The following CBLB variants were observed in gnomAD, a reference collection of about 807,000 sequenced individuals.
CBLB encodes E3 ubiquitin-protein ligase CBL-B.
Under a neutral mutation model 104.9 loss-of-function variants are expected in CBLB, and 31 were observed. The observed-to-expected ratio is 0.30, with a 90% CI of 0.22 to 0.40. The LOEUF is 0.40. Among genes scored for constraint, CBLB ranks in the 10% least tolerant of loss-of-function variants. The pLI, the probability that CBLB is intolerant of heterozygous loss-of-function variation, is 1.00. For synonymous variants in CBLB, 440 were observed against 422.6 expected (o/e 1.04, Z -0.51); for missense variants, 1,062 against 1,214.6 (o/e 0.87, Z 1.87).
At chr3:105,766,232 T>G (rs1417784735) in intron 4 of CBLB, among the ~76,000 whole-genome samples, 1 of 152,176 alleles carries the variant, frequency 6.6e-6, no homozygotes, top group African/African-American at 2.4e-5. Context: ...AAACTGCTTC[T>G]TATAGAAAAG....
chr3:105,782,175 C>T (rs1327246606), intron 3 of CBLB, among the ~76,000 whole-genome samples: 1 of 152,148 alleles, frequency 6.6e-6, no homozygotes, highest in Non-Finnish European at 1.5e-5. Flanking sequence ...AAACTGGATC[C>T]TTACCCATTC....
At chr3:105,855,708 T>C (rs755311743) in intron 2 of CBLB, among the ~76,000 whole-genome samples, 63 of 152,264 alleles carry the variant, frequency 4.1e-4, no homozygotes, top group Middle Eastern at 3.4e-3. Flanking sequence ...ATAATCAAAG[T>C]ATAAAATGTA....
chr3:105,845,274 T>C (rs1486132537), intron 3 of CBLB, among the ~76,000 whole-genome samples: 1 of 151,640 alleles, frequency 6.6e-6, no homozygotes. Flanking sequence ...ATATCATATG[T>C]GCATAATATA....
intron 3 of CBLB, among the ~76,000 whole-genome samples, chr3:105,814,973 T>C (rs1388269412): frequency 7.3e-6 from 1 of 136,320 alleles, no homozygotes; most frequent in Non-Finnish European, 1.5e-5. Context: ...CAGTACAGTC[T>C]CTCCACTTCC....
At chr3:105,809,265 G>T (rs1215491630) in intron 3 of CBLB, among the ~76,000 whole-genome samples, 2 of 152,152 alleles carry the variant, frequency 1.3e-5, no homozygotes, top group South Asian at 2.1e-4. Context: ...CTGTCTATGA[G>T]GAGCTCAGGA....
rs112734457 is a variant in CBLB at position 105,657,641 on chromosome 3, A to T, written c.*1329T>A. 0.014 allele frequency: 2,881 copies of T among 203,784 alleles called. 77 individuals carry two copies. Among genetic ancestry groups the T allele is most frequent in the African/African-American group, 0.061 (2,665 of 43,856 alleles). 12.6% of individuals were successfully genotyped at this position (203,784 alleles called of 1,614,324 possible). A position where few individuals can be genotyped will look rare whatever the true frequency, so the allele number is the denominator to read the frequency against. On this transcript the variant is annotated 3_prime_UTR_variant, in exon 19 of 19. Transcript: ENST00000394030. ...GCACCAAGCATATCATAGATGCTCA[A>T]TAAATATTTGTAGATTTATTAAGAG... is the stretch of plus-strand genomic sequence containing the variant.
At chr3:105,736,684 G>T (rs1441632934) in intron 8 of CBLB, among the ~76,000 whole-genome samples, 2 of 152,048 alleles carry the variant, frequency 1.3e-5, no homozygotes, top group African/African-American at 4.8e-5. Context: ...AAAGTGAAAA[G>T]ATATTTTCAC....
intron 3 of CBLB, among the ~76,000 whole-genome samples, chr3:105,810,079 A>G (rs2084070291): frequency 6.6e-6 from 1 of 152,192 alleles, no homozygotes; most frequent in African/African-American, 2.4e-5. Flanking sequence ...ACTTCCACCA[A>G]AGACAGAACG....
At chr3:105,804,223 G>A (rs1466986501) in intron 3 of CBLB, among the ~76,000 whole-genome samples, 1 of 152,046 alleles carries the variant, frequency 6.6e-6, no homozygotes, top group Non-Finnish European at 1.5e-5. Context: ...ATTTCAAATA[G>A]TTTAAAAAAA....
intron 16 of CBLB, among the ~76,000 whole-genome samples, chr3:105,680,532 G>C (rs957225962): frequency 2.6e-5 from 4 of 152,194 alleles, no homozygotes; most frequent in Non-Finnish European, 5.9e-5. Flanking sequence ...GAAGTGGAAG[G>C]GAGAGAAAGA....
intron 3 of CBLB, among the ~76,000 whole-genome samples, chr3:105,784,794 T>C (rs1226590485): frequency 1.3e-5 from 2 of 152,192 alleles, no homozygotes; most frequent in South Asian, 2.1e-4. Context: ...TTTTACTCAA[T>C]AGAATATAGT....
chr3:105,824,093 G>A (rs2086244796), intron 3 of CBLB: 1 of 152,164 alleles, frequency 6.6e-6, no homozygotes, highest in African/African-American at 2.4e-5. Context: ...CAGTCCTCCT[G>A]AGTAGTGGGA....
intron 3 of CBLB, among the ~76,000 whole-genome samples, chr3:105,805,718 G>A (rs1408502245): frequency 2.0e-5 from 3 of 152,116 alleles, no homozygotes; most frequent in African/African-American, 7.2e-5. Context: ...TCACATGGGT[G>A]TTTATCAAAA....
chr3:105,815,074 A>G (rs1272274838), intron 3 of CBLB, among the ~76,000 whole-genome samples: 2 of 152,122 alleles, frequency 1.3e-5, no homozygotes, highest in African/African-American at 2.4e-5. Context: ...CCTGTCAGGC[A>G]TAAGAAATTC....
Position 105,675,113 on chromosome 3 carries a change from C to G in CBLB, c.2569+3318G>C, listed in dbSNP as rs145767935. Among the ~76,000 whole-genome samples, 336 of 152,268 alleles carry G rather than the reference C, an allele frequency of 2.2e-3. 1 individual carries two copies. The highest frequency in any genetic ancestry group is 6.4e-3 in the African/African-American group (265 of 41,556). Reference sequence around the variant, plus strand: ...CTTAGTATAATATCATGAGAAAATTCAACCTCTCTTCCTAAGACACCTATC... The same window carrying G: ...CTTAGTATAATATCATGAGAAAATTGAACCTCTCTTCCTAAGACACCTATC... On this transcript the variant is annotated intron_variant, in intron 17 of 18. Transcript: ENST00000394030.
intron 10 of CBLB, among the ~76,000 whole-genome samples, chr3:105,716,604 G>A (rs766656629): frequency 3.3e-5 from 5 of 152,162 alleles, no homozygotes; most frequent in Non-Finnish European, 7.4e-5. Flanking sequence ...TTTATGAAAT[G>A]CTATAAAAGT....
At chr3:105,822,036 T>A (rs2085930852) in intron 3 of CBLB, among the ~76,000 whole-genome samples, 2 of 152,108 alleles carry the variant, frequency 1.3e-5, no homozygotes, top group South Asian at 4.1e-4. Context: ...AAAATGGAAA[T>A]GTTTCATCAT....
intron 3 of CBLB, among the ~76,000 whole-genome samples, chr3:105,852,876 C>T (rs2091134625): frequency 6.6e-6 from 1 of 152,160 alleles, no homozygotes; most frequent in Non-Finnish European, 1.5e-5. Flanking sequence ...TGCCACCACG[C>T]CGGGCTAATT....
chr3:105,843,107 C>T (rs888926449), intron 3 of CBLB, among the ~76,000 whole-genome samples: 11 of 152,154 alleles, frequency 7.2e-5, no homozygotes, highest in African/African-American at 2.4e-4. Flanking sequence ...ACAGAGGCAA[C>T]GCTGACTAAT....
Sources: gnomAD v4.1 joint callset for allele counts (sites outside exome capture counted in the v4.1 genomes callset) on GRCh38, gnomAD v4.1.1 for gene constraint, MANE v1.5 for transcripts, NCBI Gene and HGNC (gene_info 2026-07-23, HGNC 2026-07-21) for gene names.